LRP6: variants seen among roughly 807,000 people sequenced by gnomAD.
LRP6 encodes the protein low-density lipoprotein receptor-related protein 6.
Under a neutral mutation model 184.1 loss-of-function variants are expected in LRP6, and 43 were observed. The observed-to-expected ratio is 0.23, with a 90% CI of 0.18 to 0.30. LRP6 has a LOEUF of 0.30. LRP6 is among the 10% of genes least tolerant of loss of function. The pLI is 1.00. For missense variants in LRP6, 1,571 were observed against 2,005.3 expected (o/e 0.78, Z 4.14); for synonymous variants, 719 against 684.9 (o/e 1.05, Z -0.78).
rs755001223 is a variant in LRP6 at position 12,147,465 on chromosome 12, C to T, written c.3298G>A (p.Gly1100Ser). Residue 1100 changes from glycine to serine, a missense_variant, in exon 15 of 23, where the codon GGC becomes AGC. Physicochemically the swap from Gly to Ser is moderately conservative, Grantham distance 56. Around this residue, in one of 4 missense-constraint regions of LRP6, gnomAD observed 763 missense variants for 859.5 expected, o/e 0.89. Coordinates refer to ENST00000261349, the MANE Select transcript of LRP6 (RefSeq NM_002336.3). ...GCTAAAGCAATTGGTTTACTTAAGC[C>T]ACTGAAAAAGAGGACCTCCCGTTCT... ...GTEREVLFFS[G>S]LSKPIALALD... 62 of 1,613,988 alleles carry T rather than the reference C, an allele frequency of 3.8e-5. 1 individual carries two copies. In the South Asian group the frequency reaches 6.7e-4, roughly 17 times the overall value.
Position 12,266,900 on chromosome 12 carries a change from C to T in LRP6, c.-165G>A, listed in dbSNP as rs1865784765. On this transcript the variant is annotated 5_prime_UTR_variant, in exon 1 of 23. Transcript: ENST00000261349. ...CACGTCAAGGTTCCGCGCGCGCCGCCGCCGCCCTCTCTACCGCGCCGCTCG... is the reference window on the plus strand; with the variant it reads ...CACGTCAAGGTTCCGCGCGCGCCGCTGCCGCCCTCTCTACCGCGCCGCTCG... 1.5e-6 allele frequency: 1 copy of T among 674,670 alleles called. No individual in the cohort carries two copies. Among genetic ancestry groups the T allele is most frequent in the Admixed American group, 2.4e-5 (1 of 40,826 alleles). 41.8% of individuals were successfully genotyped at this position (674,670 alleles called of 1,614,324 possible). A position where few individuals can be genotyped will look rare whatever the true frequency, so the allele number is the denominator to read the frequency against.
chr12:12,199,729 G>C (rs1454360302), intron 3 of LRP6, among the ~76,000 whole-genome samples: 2 of 151,932 alleles, frequency 1.3e-5, no homozygotes, highest in African/African-American at 2.4e-5. Context: ...ACTTTGGGAG[G>C]CTGAGGCGGG....
rs1013740652 is a variant in LRP6 at position 12,130,793 on chromosome 12, T to C, written c.4071A>G (p.Glu1357=). The C allele has an allele frequency of 6.2e-7, 1 of 1,605,422 alleles. No individual in the cohort carries two copies. ...HNVDCSDKSD[E]LDCYPTEEPA... is the part of the protein sequence containing the mutation. ...CTCAGTCCTACTTACAACAATCCAG[T>C]TCATCTGACTTGTCACTGCAATCCA... The change falls in exon 19 of 23, where the codon GAA becomes GAG. Residue 1357 remains glutamate, a synonymous_variant. Coordinates refer to ENST00000261349, the MANE Select transcript of LRP6 (RefSeq NM_002336.3).
intron 2 of LRP6, among the ~76,000 whole-genome samples, chr12:12,218,874 T>C (rs1176296619): frequency 6.6e-6 from 1 of 152,126 alleles, no homozygotes; most frequent in Non-Finnish European, 1.5e-5. Context: ...TAGCAAATAT[T>C]GCAGGAAAGA....
intron 1 of LRP6, chr12:12,249,059 G>A (rs1157208606): frequency 1.8e-4 from 126 of 686,816 alleles, no homozygotes; most frequent in South Asian, 1.5e-5. Context: ...ACTCAAAGAA[G>A]GCCAGAAAGG....
In LRP6 at chr12:12,159,880, T is replaced by C. The variant is rs778374292; in HGVS notation, c.2364A>G (p.Pro788=). 3 of 1,614,052 alleles carry C rather than the reference T, an allele frequency of 1.9e-6. No individual in the cohort carries two copies. In the African/African-American group the frequency reaches 4.0e-5, roughly 22 times the overall value. ...TTAGGCCGTTTGCCCGCCCCACATTTGGAACTAAGGTAGTACGTTCACTTC... is the reference window on the plus strand; with the variant it reads ...TTAGGCCGTTTGCCCGCCCCACATTCGGAACTAAGGTAGTACGTTCACTTC... ...MDGSERTTLV[P]NVGRANGLTI... is the part of the protein sequence containing the mutation. Residue 788 remains proline, a synonymous_variant, in exon 11 of 23, where the codon CCA becomes CCG. Coordinates refer to ENST00000261349, the MANE Select transcript of LRP6 (RefSeq NM_002336.3).
chr12:12,130,312 A>G (rs1020003248), intron 19 of LRP6, among the ~76,000 whole-genome samples: 17 of 150,912 alleles, frequency 1.1e-4, no homozygotes, highest in Non-Finnish European at 2.1e-4. Context: ...TCAGCCTCCC[A>G]GTAGCTGGGA....
chr12:12,203,088 TC>T, intron 3 of LRP6, 114 bp downstream of exon 3: 1 of 690,076 alleles, frequency 1.4e-6, no homozygotes, highest in Non-Finnish European at 2.4e-6. Flanking sequence ...CTATTCTTCT[TC>T]CCCTCTGGCA....
At chr12:12,181,499 CTAGA>C (rs1863344625) in intron 5 of LRP6, 60 bp from the exon 6 acceptor site, 3 of 843,598 alleles carry the variant, frequency 3.6e-6, no homozygotes, top group Non-Finnish European at 2.0e-6. Context: ...TTTACCTGCT[CTAGA>C]TAAAGAATCA....
intron 5 of LRP6, among the ~76,000 whole-genome samples, chr12:12,182,128 T>G (rs1314403180): frequency 6.6e-6 from 1 of 152,166 alleles, no homozygotes; most frequent in Non-Finnish European, 1.5e-5. Flanking sequence ...ATAATTTGAT[T>G]CAAGAAGCTA....
intron 3 of LRP6, among the ~76,000 whole-genome samples, chr12:12,194,195 C>T (rs1257492339): frequency 2.0e-5 from 3 of 151,946 alleles, no homozygotes; most frequent in Non-Finnish European, 2.9e-5. Flanking sequence ...ACTTCCTCAA[C>T]CTGATAAAAT....
At chr12:12,257,881 C>T (rs1200419430) in intron 1 of LRP6, among the ~76,000 whole-genome samples, 2 of 146,534 alleles carry the variant, frequency 1.4e-5, no homozygotes, top group Admixed American at 6.9e-5. Flanking sequence ...GCAGGAGGAT[C>T]GCCTGAGACC....
intron 2 of LRP6, among the ~76,000 whole-genome samples, chr12:12,236,484 C>CG (rs1231398899): frequency 2.6e-5 from 4 of 152,100 alleles, no homozygotes; most frequent in Admixed American, 6.5e-5. Flanking sequence ...GGCGGGGTGA[C>CG]GGGGGGGTTC....
At position 12,119,991 on chromosome 12, in the gene LRP6, ATATATATATATATAT is replaced by A. The variant is rs1565518824; in HGVS notation, c.*1120_*1134del. ...CTCAGAAAACAAACAAACAAACAAA[ATATATATATATATAT>A]ATATATATATATATATATATATATA... On this transcript the variant is annotated 3_prime_UTR_variant, in exon 23 of 23. Coordinates refer to ENST00000261349, the MANE Select transcript of LRP6 (RefSeq NM_002336.3). 5.3e-3 allele frequency: 17 copies of A among 3,234 alleles called. 1 individual carries two copies. Among genetic ancestry groups the A allele is most frequent in the East Asian group, 0.015 (1 of 66 alleles). 0.2% of individuals were successfully genotyped at this position (3,234 alleles called of 1,614,324 possible).
In LRP6 at chr12:12,125,335, T is replaced by A; in HGVS notation, c.4410A>T (p.Ser1470=). 1 of 1,614,094 alleles carries A rather than the reference T, an allele frequency of 6.2e-7. No homozygotes were observed. The highest frequency in any genetic ancestry group is 1.3e-5 in the African/African-American group (1 of 75,028). The change falls in exon 21 of 23, where the codon TCA becomes TCT. Residue 1470 remains serine (S), a synonymous_variant. Transcript: ENST00000261349. The stretch of plus-strand genomic sequence containing the variant: ...TGCCTTTGGTGCTTGAAGAACTACT[T>A]GATGATGCTCCTGTAACATGGGCTC... ...YDRAHVTGAS[S]SSSSSTKGTY... is the part of the protein sequence containing the mutation.
intron 1 of LRP6, among the ~76,000 whole-genome samples, chr12:12,266,403 G>A (rs546054716): frequency 4.6e-5 from 7 of 152,298 alleles, no homozygotes; most frequent in Middle Eastern, 3.4e-3. Flanking sequence ...CATCCCGACA[G>A]CATGGGGTGC....
Position 12,125,374 on chromosome 12 carries a change from T to C in LRP6, c.4371A>G (p.Gly1457=). 3 of 1,613,206 alleles carry C rather than the reference T, an allele frequency of 1.9e-6. No homozygotes were observed. The highest frequency in any genetic ancestry group is 1.7e-6 in the Non-Finnish European group (2 of 1,179,444). The change falls in exon 21 of 23, where the codon GGA becomes GGG. Residue 1457 remains glycine, a synonymous_variant. Coordinates refer to ENST00000261349, the MANE Select transcript of LRP6 (RefSeq NM_002336.3). ...TAACATGGGCTCGGTCATAGGGGGG[T>C]CCACTGCTTCCCCCCATGATACTGA... is the stretch of plus-strand genomic sequence containing the variant. ...SSLSIMGGSS[G]PPYDRAHVTG... is the part of the protein sequence containing the mutation.
chr12:12,166,234 C>T (rs1862875272), intron 7 of LRP6, among the ~76,000 whole-genome samples: 1 of 152,170 alleles, frequency 6.6e-6, no homozygotes, highest in South Asian at 2.1e-4. Flanking sequence ...CAGGTAGGGA[C>T]TTGAACACTG....
At chr12:12,137,632 C>CT (rs1949861129) in intron 16 of LRP6, among the ~76,000 whole-genome samples, 2 of 151,748 alleles carry the variant, frequency 1.3e-5, no homozygotes, top group East Asian at 3.9e-4. Flanking sequence ...ATAATTTTTA[C>CT]TTTTTTTCAA....
Sources: allele counts gnomAD v4.1 joint callset (sites outside exome capture counted in the v4.1 genomes callset), GRCh38; gene constraint gnomAD v4.1.1; regional missense constraint gnomAD v4.1.1; transcripts MANE v1.5; gene names NCBI Gene and HGNC (gene_info 2026-07-23, HGNC 2026-07-21).